Variants in ACAA2 observed in about 807,000 individuals in gnomAD.
ACAA2 encodes 3-ketoacyl-CoA thiolase, mitochondrial.
A neutral mutation model predicts 44.8 loss-of-function variants in ACAA2; 35 were observed. That is an observed-to-expected ratio of 0.78 (90% CI 0.60 to 1.04). The LOEUF is 1.04. Ranked by LOEUF, ACAA2 falls within the 50% of genes least tolerant of loss-of-function variation. ACAA2 has a pLI of 0.00. For missense variants in ACAA2, 468 were observed against 482.6 expected (o/e 0.97, Z 0.28); for synonymous variants, 142 against 166.5 (o/e 0.85, Z 1.13).
At chr18:49,795,041 G>A (rs150656598) in intron 4 of ACAA2, among the ~76,000 whole-genome samples, 37 of 152,274 alleles carry the variant, frequency 2.4e-4, no homozygotes, top group African/African-American at 8.9e-4. Flanking sequence ...CTTCATAAAA[G>A]ATATCTCAAA....
chr18:49,797,650 A>C, intron 2 of ACAA2, 56 bp from the exon 3 acceptor site: 1 of 1,427,608 alleles, frequency 7.0e-7, no homozygotes, highest in Non-Finnish European at 9.5e-7. Flanking sequence ...CTAATTAAGA[A>C]CAAGCACGAA....
At chr18:49,812,764 C>G (rs2023684880) in intron 1 of ACAA2, 1 of 152,198 alleles carries the variant, frequency 6.6e-6, no homozygotes, top group Admixed American at 6.5e-5. Context: ...CACCAAAATG[C>G]TTGGTTCTTA....
chr18:49,805,317 T>C (rs995428859), intron 1 of ACAA2, among the ~76,000 whole-genome samples: 2 of 152,228 alleles, frequency 1.3e-5, no homozygotes, highest in African/African-American at 4.8e-5. Context: ...TTTTCATTCC[T>C]ATTTTGAGAA....
At chr18:49,798,895 A>G (rs934955013) in intron 2 of ACAA2, among the ~76,000 whole-genome samples, 1 of 152,326 alleles carries the variant, frequency 6.6e-6, no homozygotes, top group African/African-American at 2.4e-5. Flanking sequence ...TCTCGTGTAA[A>G]TTATTAACAG....
At position 49,807,753 on chromosome 18, in the gene ACAA2, G is replaced by T. The variant is rs564962710; in HGVS notation, c.17-4900C>A. On this transcript the variant is annotated intron_variant, in intron 1 of 9. Coordinates refer to ENST00000285093, the MANE Select transcript of ACAA2 (RefSeq NM_006111.3). ...AGGCTGAGGCAAGGGGACTGCTAGAGCCCAGGAGGTCAAGGCTACAGTGGC... is the reference window on the plus strand; with the variant it reads ...AGGCTGAGGCAAGGGGACTGCTAGATCCCAGGAGGTCAAGGCTACAGTGGC... 3.0e-4 allele frequency among the ~76,000 whole-genome samples: 45 copies of T among 151,734 alleles called. 1 individual carries two copies. The South Asian group carries it at 9.0e-3, about 30-fold the overall frequency.
chr18:49,788,437 C>T (rs553871079), intron 7 of ACAA2, among the ~76,000 whole-genome samples: 1 of 152,176 alleles, frequency 6.6e-6, no homozygotes, highest in African/African-American at 2.4e-5. Flanking sequence ...CTTTGGACAA[C>T]AAACCACGTG....
chr18:49,787,392 TATAGAAATA>T (rs1444752413), intron 7 of ACAA2, 31 bp from the exon 8 acceptor site: 3 of 1,319,022 alleles, frequency 2.3e-6, no homozygotes, highest in Non-Finnish European at 3.0e-6. Flanking sequence ...TCTATAAAAA[TATAGAAATA>T]AATGTCATCT....
At chr18:49,811,560 CA>C (rs2023670025) in intron 1 of ACAA2, 1 of 152,170 alleles carries the variant, frequency 6.6e-6, no homozygotes, top group South Asian at 2.1e-4. Flanking sequence ...TAATCCTTAA[CA>C]AAATTTAACT....
rs1017349826 is a variant in ACAA2, at chr18:49,785,453, C to T, written c.955-102G>A. On this transcript the variant is annotated intron_variant, in intron 8 of 9. Transcript: ENST00000285093. ...TCAACAGCTAAGTCTGCTGTTTCTT[C>T]CTATTTAAATTACCTCGCAAAGTTA... 3 of 1,172,656 alleles carry T rather than the reference C, an allele frequency of 2.6e-6. No homozygotes were observed. In the African/African-American group the frequency reaches 4.7e-5, roughly 18 times the overall value. The allele number at this position is 1,172,656 out of a possible 1,614,324, so 72.6% of individuals were successfully genotyped here.
In ACAA2 at chr18:49,785,343, T is replaced by C. The variant is rs2023315893; in HGVS notation, c.963A>G (p.Glu321=). Residue 321 remains glutamate, a synonymous_variant, in exon 9 of 10, where the codon GAA becomes GAG. Transcript: ENST00000285093. ...CAGCCAAGTACTGGGGAGCAAAAGC[T>C]TCATTCACCTTAAAACAAAAATTAG... ...LKDMDLVEVN[E]AFAPQYLAVE... is the part of the protein sequence containing the mutation. The C allele has an allele frequency of 1.9e-6, 3 of 1,611,524 alleles. No homozygotes were observed. The highest frequency in any genetic ancestry group is 1.7e-5 in the Admixed American group (1 of 58,932).
intron 8 of ACAA2, 49 bp downstream of exon 8, chr18:49,787,242 A>T: frequency 2.3e-6 from 3 of 1,281,022 alleles, no homozygotes; most frequent in Non-Finnish European, 3.0e-6. Context: ...ATAAAAGTAC[A>T]TGGTTTATTC....
chr18:49,785,185 T>C lies in ACAA2; in HGVS notation c.1109+12A>G. On this transcript the variant is annotated intron_variant, in intron 9 of 9. Coordinates refer to ENST00000285093, the MANE Select transcript of ACAA2 (RefSeq NM_006111.3). ...ACAGCAAATCTGAAATGCAGCTATTTCTAGCAAATACCTTAATTCGTGAAC... is the reference window on the plus strand; with the variant it reads ...ACAGCAAATCTGAAATGCAGCTATTCCTAGCAAATACCTTAATTCGTGAAC... The C allele has an allele frequency of 6.2e-7, 1 of 1,607,184 alleles. No homozygotes were observed. The highest frequency in any genetic ancestry group is 8.5e-7 in the Non-Finnish European group (1 of 1,177,240).
intron 2 of ACAA2, among the ~76,000 whole-genome samples, chr18:49,799,880 G>A (rs1413263300): frequency 9.0e-6 from 1 of 111,460 alleles, no homozygotes; most frequent in African/African-American, 3.6e-5. Flanking sequence ...ACCCCATCTG[G>A]GAGGTGAGGA....
chr18:49,793,340 C>T (rs188015979), intron 5 of ACAA2, among the ~76,000 whole-genome samples: 15 of 152,260 alleles, frequency 9.9e-5, no homozygotes, highest in Non-Finnish European at 2.1e-4. Flanking sequence ...TCCTTATATG[C>T]CCTTATTTGG....
chr18:49,801,812 A>ATATATATATATATATATC (rs1347357878), intron 2 of ACAA2, among the ~76,000 whole-genome samples: 25 of 143,294 alleles, frequency 1.7e-4, no homozygotes, highest in African/African-American at 5.2e-4. Context: ...ATATATATAT[A>ATATATATATATATATATC]TATCTTATCT....
At chr18:49,803,239 A>AAATAATAATAATAATAATAAT (rs10639158) in intron 1 of ACAA2, among the ~76,000 whole-genome samples, 2 of 142,402 alleles carry the variant, frequency 1.4e-5, no homozygotes, top group Non-Finnish European at 3.0e-5. Flanking sequence ...CTGGTAGTTA[A>AAATAATAATAATAATAATAAT]AATAATAATA....
intron 2 of ACAA2, among the ~76,000 whole-genome samples, chr18:49,802,454 C>T (rs2023563607): frequency 6.6e-6 from 1 of 150,458 alleles, no homozygotes. Flanking sequence ...CCCAGCTACT[C>T]GGGAGGCTGA....
intron 2 of ACAA2, among the ~76,000 whole-genome samples, 189 bp downstream of exon 2, chr18:49,802,498 G>A (rs2023564491): frequency 6.7e-6 from 1 of 148,906 alleles, no homozygotes; most frequent in African/African-American, 2.5e-5. Context: ...GGAGGCGGAA[G>A]TTGCAGCGAG....
chr18:49,802,661 T>C (rs2023567801), intron 2 of ACAA2, 26 bp downstream of exon 2: 1 of 1,598,620 alleles, frequency 6.3e-7, no homozygotes, highest in Middle Eastern at 1.7e-4. Context: ...GCAATAGGAG[T>C]GAACACCTTC....
Sources: allele counts gnomAD v4.1 joint callset (sites outside exome capture counted in the v4.1 genomes callset), GRCh38; gene constraint gnomAD v4.1.1; transcripts MANE v1.5; gene names NCBI Gene and HGNC (gene_info 2026-07-23, HGNC 2026-07-21).